The following COL15A1 variants were observed in gnomAD, a reference collection of about 807,000 sequenced individuals.
The protein encoded by COL15A1 is collagen type XV alpha 1 chain.
A neutral mutation model predicts 165.9 loss-of-function variants in COL15A1; 111 were observed. That is an observed-to-expected ratio of 0.67 (90% confidence interval 0.57 to 0.78). COL15A1 has a LOEUF of 0.78. Among genes scored for constraint, COL15A1 ranks in the 30% least tolerant of loss-of-function variants. The pLI, the probability that COL15A1 is intolerant of heterozygous loss-of-function variation, is 0.00. For missense variants in COL15A1, 1,745 were observed against 1,789.7 expected (o/e 0.98, Z 0.45); for synonymous variants, 659 against 674.8 (o/e 0.98, Z 0.36).
At chr9:99,045,634 C>G (rs1839481349) in intron 26 of COL15A1, among the ~76,000 whole-genome samples, 1 of 152,196 alleles carries the variant, frequency 6.6e-6, no homozygotes, top group South Asian at 2.1e-4. Context: ...AGAAGTGACT[C>G]TCAGAATCCC....
chr9:98,990,202 G>A (rs1023249), intron 5 of COL15A1, among the ~76,000 whole-genome samples: 75,087 of 151,958 alleles, frequency 0.49, 19,984 homozygotes, highest in African/African-American at 0.7. Flanking sequence ...AGAGGTGTAC[G>A]GAAAACTGCC....
At chr9:99,026,923 C>T (rs150697519) in intron 16 of COL15A1, among the ~76,000 whole-genome samples, 7 of 152,334 alleles carry the variant, frequency 4.6e-5, no homozygotes, top group Non-Finnish European at 8.8e-5. Flanking sequence ...TCCTTAGAAC[C>T]TAGCACAAGC....
intron 35 of COL15A1, among the ~76,000 whole-genome samples, chr9:99,057,900 G>C (rs984465613): frequency 6.6e-6 from 1 of 152,154 alleles, no homozygotes; most frequent in Non-Finnish European, 1.5e-5. Context: ...CTTAGCCTTG[G>C]ATCTTTTGGC....
chr9:98,989,823 T>TC, intron 5 of COL15A1, among the ~76,000 whole-genome samples: 1 of 152,120 alleles, frequency 6.6e-6, no homozygotes, highest in Non-Finnish European at 1.5e-5. Flanking sequence ...GGAAAGGCAA[T>TC]CCTAACTTCC....
chr9:99,033,107 AT>A (rs1839234952), intron 16 of COL15A1, among the ~76,000 whole-genome samples: 1 of 152,192 alleles, frequency 6.6e-6, no homozygotes, highest in South Asian at 2.1e-4. Flanking sequence ...TACTTGTGAA[AT>A]TGGGATCCTG....
chr9:98,954,169 G>A lies in COL15A1; in HGVS notation c.100+9919G>A, dbSNP rs60295296. On this transcript the variant is annotated intron_variant, in intron 2 of 41. Transcript: ENST00000375001. ...GTAGGGATGTCCATTTCCACCAGGA[G>A]ATGGGAGAGGCAGAGGGATGTGAGA... Among the ~76,000 whole-genome samples, 1,015 of 152,330 alleles carry A rather than the reference G, an allele frequency of 6.7e-3. 12 individuals are homozygous for A. The highest frequency in any genetic ancestry group is 0.023 in the African/African-American group (945 of 41,568).
chr9:98,989,047 C>CAT, intron 4 of COL15A1, 131 bp from the exon 5 acceptor site: 1 of 696,178 alleles, frequency 1.4e-6, no homozygotes, highest in Non-Finnish European at 2.6e-6. Flanking sequence ...CACACACACA[C>CAT]ACACACACAC....
Position 98,985,608 on chromosome 9 carries a change from T to A in COL15A1, c.144T>A (p.Gly48=). The change falls in exon 3 of 42, where the codon GGT becomes GGA. Residue 48 remains glycine, a synonymous_variant. Coordinates refer to ENST00000375001, the MANE Select transcript of COL15A1 (RefSeq NM_001855.5). ...QGHLDLTQLI[G]VPLPSSVSFV... is the part of the protein sequence containing the mutation. ...ACCTGGACCTCACGCAGCTCATCGG[T>A]GTCCCGCTGCCCTCGTCCGTATCCT... is the stretch of plus-strand genomic sequence containing the variant. The A allele has an allele frequency of 6.2e-7, 1 of 1,614,224 alleles. No individual in the cohort carries two copies. Among genetic ancestry groups the A allele is most frequent in the Non-Finnish European group, 8.5e-7 (1 of 1,180,016 alleles).
At chr9:99,060,495 A>G (rs1420369612) in intron 36 of COL15A1, among the ~76,000 whole-genome samples, 2 of 144,148 alleles carry the variant, frequency 1.4e-5, no homozygotes, top group Non-Finnish European at 3.0e-5. Flanking sequence ...CCTTGAACTC[A>G]TGGGCCACCA....
rs1426503560 is a variant in COL15A1, at chr9:99,063,038, T to C, written c.3592-12T>C. 6.3e-7 allele frequency: 1 copy of C among 1,594,902 alleles called. No individual in the cohort carries two copies. The highest frequency in any genetic ancestry group is 8.5e-7 in the Non-Finnish European group (1 of 1,173,520). ...TATTCAGAACTGTTTCTTTTCCTCC[T>C]TTTCATAACAGCCACATCAGCTTCT... On this transcript the variant is annotated splice_polypyrimidine_tract_variant and intron_variant, in intron 38 of 41. Coordinates refer to ENST00000375001, the MANE Select transcript of COL15A1 (RefSeq NM_001855.5).
chr9:98,958,649 T>C (rs529406385), intron 2 of COL15A1, among the ~76,000 whole-genome samples: 3 of 152,314 alleles, frequency 2.0e-5, no homozygotes, highest in Non-Finnish European at 4.4e-5. Flanking sequence ...TATATGAGCT[T>C]TCATTAAGGA....
chr9:98,992,607 G>C (rs776109696), intron 5 of COL15A1, among the ~76,000 whole-genome samples: 55 of 152,274 alleles, frequency 3.6e-4, no homozygotes, highest in Non-Finnish European at 7.5e-4. Context: ...TGGACGCCAA[G>C]GCCGAGGAGG....
Position 99,047,779 on chromosome 9 carries a change from C to T in COL15A1, c.2680-7C>T. The T allele has an allele frequency of 6.2e-7, 1 of 1,614,030 alleles. No individual in the cohort carries two copies. Among genetic ancestry groups the T allele is most frequent in the Non-Finnish European group, 8.5e-7 (1 of 1,179,926 alleles). ...CTTTTCTAATCTGGCATTTGTTTTG[C>T]CTCTAGGGGCCCAAAGGACCACCAG... On this transcript the variant is annotated splice_region_variant and splice_polypyrimidine_tract_variant and intron_variant, in intron 26 of 41. Transcript: ENST00000375001.
At chr9:98,959,241 A>AAC (rs1161808531) in intron 2 of COL15A1, among the ~76,000 whole-genome samples, 1 of 151,482 alleles carries the variant, frequency 6.6e-6, no homozygotes, top group African/African-American at 2.4e-5. Context: ...AAAAAAAAAA[A>AAC]AAAAAACTAA....
At position 98,957,549 on chromosome 9, in the gene COL15A1, C is replaced by G. The variant is rs116789244; in HGVS notation, c.100+13299C>G. ...CCTCTGAAGTTCCACCAAGTGCTGT[C>G]CTGGCCTCATCTCCCAGAATATCCC... On this transcript the variant is annotated intron_variant, in intron 2 of 41. Transcript: ENST00000375001. Among the ~76,000 whole-genome samples the G allele has an allele frequency of 3.2e-3, 482 of 152,302 alleles. 2 individuals are homozygous for G. The highest frequency in any genetic ancestry group is 0.011 in the African/African-American group (440 of 41,574).
chr9:99,024,069 T>C (rs554881863), intron 14 of COL15A1, among the ~76,000 whole-genome samples: 9 of 152,192 alleles, frequency 5.9e-5, no homozygotes, highest in African/African-American at 2.2e-4. Context: ...CTGTGCTGAA[T>C]CCCTGGTTGA....
chr9:98,968,928 T>C (rs1275700671), intron 2 of COL15A1, among the ~76,000 whole-genome samples: 6 of 152,326 alleles, frequency 3.9e-5, no homozygotes, highest in African/African-American at 1.4e-4. Context: ...ATACTGGCTA[T>C]GTTATAGCAT....
At chr9:98,980,174 G>A (rs1215211489) in intron 2 of COL15A1, among the ~76,000 whole-genome samples, 3 of 148,608 alleles carry the variant, frequency 2.0e-5, no homozygotes, top group Non-Finnish European at 4.5e-5. Flanking sequence ...AAAAAAAAAA[G>A]AGGGGACTTG....
chr9:99,055,024 T>A (rs1010479036), intron 32 of COL15A1, 78 bp from the exon 33 acceptor site: 18 of 1,202,276 alleles, frequency 1.5e-5, no homozygotes, highest in East Asian at 1.4e-4. Context: ...GATGTAACTG[T>A]GGTTGCCAAC....
Sources: gnomAD v4.1 joint callset for allele counts (sites outside exome capture counted in the v4.1 genomes callset) on GRCh38, gnomAD v4.1.1 for gene constraint, MANE v1.5 for transcripts, NCBI Gene and HGNC (gene_info 2026-07-23, HGNC 2026-07-21) for gene names.